Variants in RTRAF observed in about 807,000 individuals in gnomAD.
RTRAF encodes the protein tRNA-splicing ligase complex subunit RTRAF.
Under a neutral mutation model 34.4 loss-of-function variants are expected in RTRAF, and 14 were observed. The ratio of observed to expected loss-of-function variants is 0.41; its 90% CI spans 0.27 to 0.64. The LOEUF is 0.64. Ranked by LOEUF, RTRAF falls within the 30% of genes least tolerant of loss-of-function variation. The pLI, the probability that RTRAF is intolerant of heterozygous loss-of-function variation, is 0.34. For missense variants in RTRAF, 291 were observed against 288.4 expected, an observed-to-expected ratio of 1.01 and a Z score of -0.06; for synonymous variants, 96 against 95.3, an observed-to-expected ratio of 1.01 and a Z score of -0.04.
Position 52,005,627 on chromosome 14 carries a change from G to A in RTRAF, c.*1111G>A. ...GTAGTAAAGACTGGCCCTCAGGGCA[G>A]GAAGAAGGCAATGGTGGCAGTGTCA... is the stretch of plus-strand genomic sequence containing the variant. On this transcript the variant is annotated 3_prime_UTR_variant, in exon 8 of 8. Transcript: ENST00000261700. 7.2e-7 allele frequency: 1 copy of A among 1,393,528 alleles called. No homozygotes were observed. Among genetic ancestry groups the A allele is most frequent in the South Asian group, 1.2e-5 (1 of 85,198 alleles). 86.3% of individuals were successfully genotyped at this position (1,393,528 alleles called of 1,614,324 possible). A position where few individuals can be genotyped will look rare whatever the true frequency, so the allele number is the denominator to read the frequency against.
rs1019814033 is a variant in RTRAF at position 52,007,368 on chromosome 14, A to G, written c.*2852A>G. On this transcript the variant is annotated 3_prime_UTR_variant, in exon 8 of 8. Transcript: ENST00000261700. ...GCATTTTTTCAGTTGTGCTGATAAA[A>G]GCAAACAAATGTAGGTTGCTAATAC... is the stretch of plus-strand genomic sequence containing the variant. 1 of 182,396 alleles carries G rather than the reference A, an allele frequency of 5.5e-6. No homozygotes were observed. Among genetic ancestry groups the G allele is most frequent in the African/African-American group, 2.4e-5 (1 of 41,604 alleles). The allele number at this position is 182,396 out of a possible 1,614,324, so 11.3% of individuals were successfully genotyped here.
At chr14:51,998,760 C>T (rs1890560795) in intron 4 of RTRAF, among the ~76,000 whole-genome samples, 180 bp downstream of exon 4, 1 of 151,780 alleles carries the variant, frequency 6.6e-6, no homozygotes, top group Non-Finnish European at 1.5e-5. Context: ...TTCTCCTTCC[C>T]CTTGCATTTG....
chr14:52,004,118 G>C, intron 6 of RTRAF, 76 bp from the exon 7 acceptor site: 1 of 1,264,906 alleles, frequency 7.9e-7, no homozygotes, highest in Non-Finnish European at 1.1e-6. Context: ...ATAGCTAGGT[G>C]CTTTTCAGTT....
intron 3 of RTRAF, among the ~76,000 whole-genome samples, chr14:51,996,263 A>C (rs1006715859): frequency 6.6e-6 from 1 of 152,294 alleles, no homozygotes; most frequent in African/African-American, 2.4e-5. Context: ...AGTTTTGTTT[A>C]TTAAAATTCA....
intron 5 of RTRAF, among the ~76,000 whole-genome samples, chr14:52,000,486 G>C (rs547434445): frequency 3.3e-4 from 50 of 152,172 alleles, no homozygotes; most frequent in Admixed American, 1.4e-3. Flanking sequence ...ACCAGACTTG[G>C]AAATTTTATA....
At chr14:52,001,985 A>G in intron 6 of RTRAF, 119 bp downstream of exon 6, 2 of 889,832 alleles carry the variant, frequency 2.2e-6, no homozygotes, top group East Asian at 2.7e-5. Context: ...AACTTAGAGA[A>G]AGGATAGCTT....
chr14:52,000,342 A>G (rs1429671396), intron 5 of RTRAF, among the ~76,000 whole-genome samples: 4 of 152,182 alleles, frequency 2.6e-5, no homozygotes, highest in South Asian at 2.1e-4. Flanking sequence ...CACTCAGTTC[A>G]TAACTATACT....
chr14:52,002,929 G>A (rs1253684), intron 6 of RTRAF, among the ~76,000 whole-genome samples: 82,757 of 152,070 alleles, frequency 0.54, 22,882 homozygotes, highest in East Asian at 0.71. Context: ...TGGAAGTTGG[G>A]TTAAAGATCA....
chr14:52,003,584 G>T (rs950275833), intron 6 of RTRAF, among the ~76,000 whole-genome samples: 1 of 152,154 alleles, frequency 6.6e-6, no homozygotes, highest in Non-Finnish European at 1.5e-5. Flanking sequence ...ATTTGTTTCT[G>T]TGAAGTTTGG....
chr14:52,001,585 C>A (rs895006506), intron 5 of RTRAF, among the ~76,000 whole-genome samples: 5 of 152,126 alleles, frequency 3.3e-5, no homozygotes, highest in Non-Finnish European at 4.4e-5. Flanking sequence ...TTAATTGTTG[C>A]AAGCACCATT....
intron 2 of RTRAF, among the ~76,000 whole-genome samples, chr14:51,991,745 G>A (rs1230066275): frequency 6.6e-6 from 1 of 152,076 alleles, no homozygotes; most frequent in Non-Finnish European, 1.5e-5. Flanking sequence ...CAGAATTTTT[G>A]TTAAACACAG....
chr14:52,006,352 A>G lies in RTRAF; in HGVS notation c.*1836A>G. 3 of 617,544 alleles carry G rather than the reference A, an allele frequency of 4.9e-6. No individual in the cohort carries two copies. The highest frequency in any genetic ancestry group is 8.4e-6 in the Non-Finnish European group (3 of 358,280). 38.3% of individuals were successfully genotyped at this position (617,544 alleles called of 1,614,324 possible). ...GATTTCTGGGTGAAGTAAAAGGATG[A>G]TTTCAAAAACATGAAAGGATGAAAA... On this transcript the variant is annotated 3_prime_UTR_variant, in exon 8 of 8. Coordinates refer to ENST00000261700, the MANE Select transcript of RTRAF (RefSeq NM_016039.3).
At position 52,006,164 on chromosome 14, in the gene RTRAF, A is replaced by G. The variant is rs1194717451; in HGVS notation, c.*1648A>G. On this transcript the variant is annotated 3_prime_UTR_variant, in exon 8 of 8. Transcript: ENST00000261700. ...ATAGTATTTTTCGGTCCCTCAGACA[A>G]TATGTCCACAGTGTCAAAAGCCAAC... 1.2e-5 allele frequency: 5 copies of G among 406,180 alleles called. No individual in the cohort carries two copies. Among genetic ancestry groups the G allele is most frequent in the Non-Finnish European group, 2.3e-5 (5 of 218,308 alleles). 25.2% of individuals were successfully genotyped at this position (406,180 alleles called of 1,614,324 possible). A position where few individuals can be genotyped will look rare whatever the true frequency, so the allele number is the denominator to read the frequency against.
intron 2 of RTRAF, 30 bp from the exon 3 acceptor site, chr14:51,993,693 C>G (rs747328561): frequency 6.2e-6 from 8 of 1,299,132 alleles, no homozygotes; most frequent in Non-Finnish European, 7.7e-6. Flanking sequence ...AATAATGAAA[C>G]TGGTGGTTTT....
At chr14:52,002,958 A>G (rs779933076) in intron 6 of RTRAF, among the ~76,000 whole-genome samples, 27 of 152,358 alleles carry the variant, frequency 1.8e-4, no homozygotes, top group Non-Finnish European at 3.2e-4. Context: ...CACCCTCCCT[A>G]TAGAACAGAC....
Position 52,006,043 on chromosome 14 carries a change from AATCACAT to A in RTRAF, c.*1528_*1534del. ...TTGCTCATCTCTAGCTGCATGTTAG[AATCACAT>A]GATGAGCTATCAAATCAGAGTTGTA... On this transcript the variant is annotated 3_prime_UTR_variant, in exon 8 of 8. Coordinates refer to ENST00000261700, the MANE Select transcript of RTRAF (RefSeq NM_016039.3). 1.7e-6 allele frequency: 1 copy of A among 571,876 alleles called. No individual in the cohort carries two copies. The highest frequency in any genetic ancestry group is 3.0e-5 in the East Asian group (1 of 33,376). 35.4% of individuals were successfully genotyped at this position (571,876 alleles called of 1,614,324 possible).
At chr14:52,003,953 A>ATGAGCTAT in intron 6 of RTRAF, 1 of 505,824 alleles carries the variant, frequency 2.0e-6, no homozygotes. Context: ...AAAGGATTGG[A>ATGAGCTAT]TGAGCTATAG....
At position 52,005,728 on chromosome 14, in the gene RTRAF, A is replaced by G. The variant is rs1445096625; in HGVS notation, c.*1212A>G. ...AATTTAAAGGAGCATCCTAAAGCAT[A>G]CTTTTTACCTGTTGGGCAGTAGGGG... On this transcript the variant is annotated 3_prime_UTR_variant, in exon 8 of 8. Coordinates refer to ENST00000261700, the MANE Select transcript of RTRAF (RefSeq NM_016039.3). 1 of 1,602,632 alleles carries G rather than the reference A, an allele frequency of 6.2e-7. No individual in the cohort carries two copies. The highest frequency in any genetic ancestry group is 1.1e-5 in the South Asian group (1 of 90,810).
intron 5 of RTRAF, 45 bp from the exon 6 acceptor site, chr14:52,001,753 A>G: frequency 6.7e-7 from 1 of 1,486,670 alleles, no homozygotes; most frequent in Non-Finnish European, 9.3e-7. Flanking sequence ...AAAGGATGAC[A>G]GGTACACAGC....
Sources: gnomAD v4.1 joint callset for allele counts (sites outside exome capture counted in the v4.1 genomes callset) on GRCh38, gnomAD v4.1.1 for gene constraint, MANE v1.5 for transcripts, NCBI Gene and HGNC (gene_info 2026-07-23, HGNC 2026-07-21) for gene names.